ZNF469: variants seen among roughly 807,000 people sequenced by gnomAD.
ZNF469 encodes zinc finger protein 469.
In ZNF469, 1 loss-of-function variant was observed where a neutral mutation model predicts 1.0. That is an observed-to-expected ratio of 1.00 (90% CI 0.35 to 4.73). The LOEUF (loss-of-function observed/expected upper bound fraction) is 4.73, where lower values mean the gene tolerates loss of function less well. Ranked by LOEUF, ZNF469 falls within the 30% of genes most tolerant of loss-of-function variation. ZNF469 has a pLI of 0.16. For synonymous variants in ZNF469, 2,703 were observed against 2,363.4 expected, an observed-to-expected ratio of 1.14 and a Z score of -4.17; for missense variants, 6,100 against 5,356.3, an observed-to-expected ratio of 1.14 and a Z score of -4.33.
the ZNF469 span, among the ~76,000 whole-genome samples, chr16:88,204,997 T>C: frequency 6.6e-6 from 1 of 152,068 alleles, no homozygotes; most frequent in Non-Finnish European, 1.5e-5. Flanking sequence ...AATGTAAAAA[T>C]CAGTGCTCGC....
intron 1 of ZNF469, among the ~76,000 whole-genome samples, chr16:88,422,481 GGGTGGATA>G (rs1462529588): frequency 2.1e-4 from 31 of 147,652 alleles, no homozygotes; most frequent in Non-Finnish European, 3.9e-4. Context: ...ATGGATGGGT[GGGTGGATA>G]GATGGGTGAG....
the ZNF469 span, among the ~76,000 whole-genome samples, chr16:88,330,422 T>C: frequency 6.6e-6 from 1 of 152,274 alleles, no homozygotes; most frequent in Non-Finnish European, 1.5e-5. Flanking sequence ...TTCAGGCTCC[T>C]ACCCTGAGAG....
chr16:88,285,855 G>C, the ZNF469 span, among the ~76,000 whole-genome samples: 1 of 152,228 alleles, frequency 6.6e-6, no homozygotes, highest in Non-Finnish European at 1.5e-5. Context: ...CATGTGGGAG[G>C]GGCCCTCGTG....
At chr16:88,416,617 G>A (rs763019464) in intron 1 of ZNF469, among the ~76,000 whole-genome samples, 2 of 152,228 alleles carry the variant, frequency 1.3e-5, no homozygotes, top group Non-Finnish European at 2.9e-5. Flanking sequence ...CCATTACCGT[G>A]AGAAATTGCA....
the ZNF469 span, among the ~76,000 whole-genome samples, chr16:88,101,545 T>TA: frequency 3.0e-4 from 2 of 6,676 alleles, no homozygotes; most frequent in Non-Finnish European, 3.6e-3. Context: ...CTCATTACGC[T>TA]TTTTTTTTTT....
chr16:88,400,862 T>C (rs7204408), intron 1 of ZNF469, among the ~76,000 whole-genome samples: 58,099 of 151,450 alleles, frequency 0.38, 12,964 homozygotes, highest in African/African-American at 0.63. Flanking sequence ...AAGACAGTGG[T>C]TACCACCACT....
chr16:88,240,149 C>T, the ZNF469 span, among the ~76,000 whole-genome samples: 1 of 151,844 alleles, frequency 6.6e-6, no homozygotes, highest in African/African-American at 2.4e-5. Flanking sequence ...ATTCTCAAAG[C>T]CTGCTCTGTC....
the ZNF469 span, among the ~76,000 whole-genome samples, chr16:88,239,119 T>C: frequency 1.3e-5 from 2 of 152,026 alleles, no homozygotes; most frequent in Non-Finnish European, 2.9e-5. Flanking sequence ...TCTAGCTCTG[T>C]GTAGATTAGA....
chr16:88,360,529 T>C, the ZNF469 span, among the ~76,000 whole-genome samples: 28,359 of 50,622 alleles, frequency 0.56, 6,464 homozygotes, highest in African/African-American at 0.67. Context: ...AGACAGCGCC[T>C]GCATGCTCCC....
chr16:88,135,748 G>GTTTTTTTTTTTTTTTTT, the ZNF469 span, among the ~76,000 whole-genome samples: 1 of 66,926 alleles, frequency 1.5e-5, no homozygotes, highest in African/African-American at 4.9e-5. Context: ...AGCTGGCCAT[G>GTTTTTTTTTTTTTTTTT]TTTTTTTTTT....
chr16:88,153,513 C>T, the ZNF469 span, among the ~76,000 whole-genome samples: 2 of 152,192 alleles, frequency 1.3e-5, no homozygotes, highest in East Asian at 1.9e-4. Context: ...GAAGGATGCA[C>T]CTGCCCGTCA....
chr16:88,431,984 A>G lies in ZNF469; in HGVS notation c.4514A>G (p.Glu1505Gly), dbSNP rs945453032. The G allele has an allele frequency of 6.5e-7, 1 of 1,549,380 alleles. No homozygotes were observed. The change falls in exon 3 of 3, where the codon GAG (glutamate) becomes GGG (glycine). Residue 1505 changes from glutamate to glycine, a missense_variant. Coordinates refer to ENST00000565624, the MANE Select transcript of ZNF469 (RefSeq NM_001367624.2). The part of the protein sequence containing the change: ...DPPYPSFLLL[E>G]EVSPMLPSHF... ...CCGTACCCCTCTTTTTTGCTGCTTG[A>G]GGAAGTATCCCCGATGCTGCCTAGC...
the ZNF469 span, among the ~76,000 whole-genome samples, chr16:88,113,144 G>A: frequency 4.6e-5 from 7 of 152,314 alleles, no homozygotes; most frequent in South Asian, 4.1e-4. Context: ...TTGCCTGTGC[G>A]TGGGGGCATT....
the ZNF469 span, among the ~76,000 whole-genome samples, chr16:88,197,807 A>G: frequency 6.6e-6 from 1 of 152,168 alleles, no homozygotes; most frequent in African/African-American, 2.4e-5. Context: ...GGCCGTGGGC[A>G]TCTGCCATGC....
At chr16:88,382,832 G>A (rs1420481252), upstream of ZNF469, among the ~76,000 whole-genome samples, 3 of 152,124 alleles carry the variant, frequency 2.0e-5, no homozygotes, top group Non-Finnish European at 2.9e-5. Flanking sequence ...CAATGCCTCA[G>A]GGCCCCCCAT....
the ZNF469 span, among the ~76,000 whole-genome samples, chr16:88,330,296 C>T: frequency 6.6e-6 from 1 of 152,208 alleles, no homozygotes; most frequent in Non-Finnish European, 1.5e-5. Context: ...GAAGGCCCTT[C>T]CTAGCATTTC....
the ZNF469 span, among the ~76,000 whole-genome samples, chr16:88,130,755 G>T: frequency 6.6e-6 from 1 of 150,794 alleles, no homozygotes; most frequent in Admixed American, 6.6e-5. Context: ...CGGCAGCGCA[G>T]CCTCCCACGC....
At chr16:88,405,790 C>G (rs1419821789) in intron 1 of ZNF469, among the ~76,000 whole-genome samples, 1 of 152,232 alleles carries the variant, frequency 6.6e-6, no homozygotes, top group Non-Finnish European at 1.5e-5. Context: ...CCTGCCAAGC[C>G]CTGCCCAGCC....
intron 1 of ZNF469, among the ~76,000 whole-genome samples, chr16:88,409,878 G>T (rs8045947): frequency 4.6e-4 from 66 of 143,054 alleles, no homozygotes; most frequent in East Asian, 1.8e-3. Context: ...GGGGGGGGGG[G>T]GGGGGGCGCG....
Sources: allele counts gnomAD v4.1 joint callset (sites outside exome capture counted in the v4.1 genomes callset), GRCh38; gene constraint gnomAD v4.1.1; transcripts MANE v1.5; gene names NCBI Gene and HGNC (gene_info 2026-07-23, HGNC 2026-07-21).